Variants in PLEKHG4B observed in about 807,000 individuals in gnomAD.
PLEKHG4B encodes pleckstrin homology and RhoGEF domain containing G4B, also known as pleckstrin homology domain-containing family G member 4B.
PLEKHG4B carries 111 observed loss-of-function variants against 121.3 expected under a neutral mutation model. The observed-to-expected ratio is 0.92, with a 90% CI of 0.78 to 1.07. PLEKHG4B has a LOEUF of 1.07. Ranked by LOEUF, PLEKHG4B falls within the 50% of genes least tolerant of loss-of-function variation. The pLI, the probability that PLEKHG4B is intolerant of heterozygous loss-of-function variation, is 0.00. For missense variants in PLEKHG4B, 1,831 were observed against 1,757.8 expected, an observed-to-expected ratio of 1.04 and a Z score of -0.74; for synonymous variants, 738 against 725.0, an observed-to-expected ratio of 1.02 and a Z score of -0.29.
chr5:108,315 C>G (rs1280282076), intron 1 of PLEKHG4B, among the ~76,000 whole-genome samples: 1 of 152,258 alleles, frequency 6.6e-6, no homozygotes, highest in Non-Finnish European at 1.5e-5. Flanking sequence ...CCTTCCTTCC[C>G]CCTTGCCGTC....
At chr5:142,742 C>G (rs1735260139) in intron 3 of PLEKHG4B, among the ~76,000 whole-genome samples, 1 of 152,238 alleles carries the variant, frequency 6.6e-6, no homozygotes, top group Admixed American at 6.5e-5. Context: ...GTCACGCATG[C>G]TGCACTTTGA....
intron 1 of PLEKHG4B, among the ~76,000 whole-genome samples, chr5:94,106 C>A: frequency 6.6e-6 from 1 of 152,228 alleles, no homozygotes; most frequent in East Asian, 1.9e-4. Flanking sequence ...AACACCTGCC[C>A]AGCATCTCAC....
chr5:142,929 G>T, intron 3 of PLEKHG4B, 118 bp from the exon 4 acceptor site: 2 of 982,002 alleles, frequency 2.0e-6, no homozygotes, highest in Non-Finnish European at 3.1e-6. Flanking sequence ...AGTTTTCTCG[G>T]AACCCCCTAC....
chr5:153,805 G>A (rs906278557), intron 7 of PLEKHG4B, among the ~76,000 whole-genome samples: 11 of 152,074 alleles, frequency 7.2e-5, no homozygotes, highest in African/African-American at 2.4e-4. Flanking sequence ...TCCCACCTCA[G>A]CCTCCTCAGT....
chr5:92,536 A>G (rs1358049578), intron 1 of PLEKHG4B, among the ~76,000 whole-genome samples: 3 of 10,224 alleles, frequency 2.9e-4, no homozygotes, highest in African/African-American at 4.3e-4. Context: ...GGGCGCGGGG[A>G]CTGGGGTGGG....
chr5:107,121 T>C (rs1458416938), intron 1 of PLEKHG4B, among the ~76,000 whole-genome samples: 2 of 152,222 alleles, frequency 1.3e-5, no homozygotes, highest in African/African-American at 2.4e-5. Flanking sequence ...TAATGGCTCA[T>C]TATTAATGCT....
At position 189,878 on chromosome 5, in the gene PLEKHG4B, A is replaced by G. The variant is rs1420813375; in HGVS notation, c.*7555A>G. On this transcript the variant is annotated 3_prime_UTR_variant, in exon 20 of 20. Transcript: ENST00000637938. ...TCAGAACCCAAAAGGTGTCTGGGAA[A>G]TGGCGTTACCTGCCACTGTTGTTAA... 6.6e-6 allele frequency: 1 copy of G among 152,246 alleles called. No homozygotes were observed. The allele number at this position is 152,246 out of a possible 1,614,324, so 9.4% of individuals were successfully genotyped here. A position where few individuals can be genotyped will look rare whatever the true frequency, so the allele number is the denominator to read the frequency against.
Position 162,768 on chromosome 5 carries a change from C to T in PLEKHG4B, c.2696C>T (p.Ser899Leu), listed in dbSNP as rs1736062395. The change falls in exon 13 of 20, where the codon TCA becomes TTA. Residue 899 changes from serine (S) to leucine (L), a missense_variant. Ser to Leu is a moderately radical substitution (Grantham distance 145). Coordinates refer to ENST00000637938, the MANE Select transcript of PLEKHG4B (RefSeq NM_052909.5). ...CTGGACCCGGAGGCTTGTCCCTCCT[C>T]ACCCGTGGCTGAGTGTTTGAGGAGC... is the stretch of plus-strand genomic sequence containing the variant. ...GPLDPEACPSSPVAECLRSCH... is the reference protein window; with the variant it reads ...GPLDPEACPSLPVAECLRSCH... 4 of 1,476,662 alleles carry T rather than the reference C, an allele frequency of 2.7e-6. No homozygotes were observed. The highest frequency in any genetic ancestry group is 3.6e-6 in the Non-Finnish European group (4 of 1,114,952). The allele number at this position is 1,476,662 out of a possible 1,614,324, so 91.5% of individuals were successfully genotyped here.
intron 7 of PLEKHG4B, among the ~76,000 whole-genome samples, chr5:152,287 T>A (rs946962573): frequency 2.0e-5 from 3 of 151,888 alleles, no homozygotes; most frequent in African/African-American, 7.3e-5. Flanking sequence ...CAGAGCTTAC[T>A]GTAATCTCAA....
At chr5:94,286 G>A (rs1733563535) in intron 1 of PLEKHG4B, among the ~76,000 whole-genome samples, 1 of 152,240 alleles carries the variant, frequency 6.6e-6, no homozygotes, top group Non-Finnish European at 1.5e-5. Flanking sequence ...CACCTGGCAG[G>A]GCAGGTGCTC....
In PLEKHG4B at chr5:182,037, C is replaced by G; in HGVS notation, c.4598C>G (p.Ser1533Cys). 1 of 1,614,152 alleles carries G rather than the reference C, an allele frequency of 6.2e-7. No homozygotes were observed. The highest frequency in any genetic ancestry group is 1.1e-5 in the South Asian group (1 of 91,080). The change falls in exon 20 of 20, where the codon TCC (serine) becomes TGC (cysteine). Residue 1533 changes from serine to cysteine, a missense_variant. By Grantham distance (112) the Ser-to-Cys change is moderately radical (BLOSUM62 -1). Coordinates refer to ENST00000637938, the MANE Select transcript of PLEKHG4B (RefSeq NM_052909.5). ...SQMRGSTAVS[S>C]SDHAAPFKRP... ...ATGAGAGGGTCCACAGCGGTGTCCT[C>G]CTCTGACCACGCCGCCCCCTTCAAG...
At chr5:92,692 C>T (rs1178008851) in intron 1 of PLEKHG4B, among the ~76,000 whole-genome samples, 1 of 151,870 alleles carries the variant, frequency 6.6e-6, no homozygotes, top group East Asian at 1.9e-4. Context: ...ATAACGCTTT[C>T]TGGACAGATT....
At chr5:118,938 C>T (rs1250017106) in intron 2 of PLEKHG4B, among the ~76,000 whole-genome samples, 2 of 151,856 alleles carry the variant, frequency 1.3e-5, no homozygotes, top group African/African-American at 4.8e-5. Context: ...ACAGCCTTGA[C>T]CTCCTGGGCT....
chr5:169,162 C>G, intron 13 of PLEKHG4B, 178 bp from the exon 14 acceptor site: 1 of 782,254 alleles, frequency 1.3e-6, no homozygotes, highest in Non-Finnish European at 2.0e-6. Flanking sequence ...GCACGAGCCC[C>G]CACGCCTGGC....
rs1343338822 is a variant in PLEKHG4B at position 186,184 on chromosome 5, T to C, written c.*3861T>C. 1.3e-5 allele frequency: 2 copies of C among 152,172 alleles called. No individual in the cohort carries two copies. Among genetic ancestry groups the C allele is most frequent in the African/African-American group, 2.4e-5 (1 of 41,428 alleles). The allele number at this position is 152,172 out of a possible 1,614,324, so 9.4% of individuals were successfully genotyped here. ...CTGGTGTGAAACAGAGGCTTCCTGC[T>C]GGCAGAAGAGGCCCACCGAGTTACG... On this transcript the variant is annotated 3_prime_UTR_variant, in exon 20 of 20. Coordinates refer to ENST00000637938, the MANE Select transcript of PLEKHG4B (RefSeq NM_052909.5).
intron 6 of PLEKHG4B, 64 bp from the exon 7 acceptor site, chr5:151,449 A>G: frequency 1.7e-6 from 2 of 1,150,894 alleles, no homozygotes; most frequent in Non-Finnish European, 1.2e-6. Context: ...AAATTGGGCA[A>G]TTCTATTAAT....
Position 186,941 on chromosome 5 carries a change from C to CA in PLEKHG4B, c.*4619dup, listed in dbSNP as rs2126476926. ...GACCCCCAGGAAGGGTGTGTGGCCC[C>CA]ACCATCCTGAATGCTCAGGGCTGGT... is the stretch of plus-strand genomic sequence containing the variant. On this transcript the variant is annotated 3_prime_UTR_variant, in exon 20 of 20. Transcript: ENST00000637938. 1 of 152,576 alleles carries CA rather than the reference C, an allele frequency of 6.6e-6. No homozygotes were observed. Among genetic ancestry groups the CA allele is most frequent in the African/African-American group, 2.4e-5 (1 of 41,588 alleles). 9.5% of individuals were successfully genotyped at this position (152,576 alleles called of 1,614,324 possible).
chr5:171,672 G>A (rs1736559363), intron 16 of PLEKHG4B, among the ~76,000 whole-genome samples: 1 of 152,216 alleles, frequency 6.6e-6, no homozygotes, highest in Admixed American at 6.5e-5. Flanking sequence ...GGCCCCTGGA[G>A]CCCCAGGGTT....
chr5:152,323 A>G (rs760160452), intron 7 of PLEKHG4B, among the ~76,000 whole-genome samples: 10 of 148,012 alleles, frequency 6.8e-5, no homozygotes, highest in Non-Finnish European at 1.5e-4. Flanking sequence ...AGATTCTCCC[A>G]CCTCAGCCTC....
Sources: allele counts gnomAD v4.1 joint callset (sites outside exome capture counted in the v4.1 genomes callset), GRCh38; gene constraint gnomAD v4.1.1; transcripts MANE v1.5; gene names NCBI Gene and HGNC (gene_info 2026-07-23, HGNC 2026-07-21).